ENTPD1: variants seen among roughly 807,000 people sequenced by gnomAD.
ENTPD1 encodes ectonucleoside triphosphate diphosphohydrolase 1.
Under a neutral mutation model 57.0 loss-of-function variants are expected in ENTPD1, and 33 were observed. That is an observed-to-expected ratio of 0.58 (90% CI 0.44 to 0.77). The LOEUF (loss-of-function observed/expected upper bound fraction) is 0.77. Ranked by LOEUF, ENTPD1 falls within the 30% of genes least tolerant of loss-of-function variation. The probability of loss-of-function intolerance (pLI) is 0.00; values close to 1 mark genes in which losing one functional copy is unlikely to be tolerated. For synonymous variants in ENTPD1, 202 were observed against 218.8 expected (o/e 0.92, Z 0.68); for missense variants, 501 against 603.4 (o/e 0.83, Z 1.78).
chr10:95,873,014 T>G lies in ENTPD1; in HGVS notation c.*6631T>G. The G allele has an allele frequency of 6.1e-6, 6 of 980,616 alleles. No homozygotes were observed. The highest frequency in any genetic ancestry group is 7.3e-6 in the Non-Finnish European group (6 of 825,630). 60.7% of individuals were successfully genotyped at this position (980,616 alleles called of 1,614,324 possible). A position where few individuals can be genotyped will look rare whatever the true frequency, so the allele number is the denominator to read the frequency against. On this transcript the variant is annotated 3_prime_UTR_variant, in exon 10 of 10. Coordinates refer to ENST00000371205, the MANE Select transcript of ENTPD1 (RefSeq NM_001776.6). ...AAAGATCATGCATCTCAAAATTTAA[T>G]GTACATACAAATTACCCAGGGATTT...
intron 1 of ENTPD1, among the ~76,000 whole-genome samples, chr10:95,749,321 C>T (rs549736863): frequency 1.3e-5 from 2 of 152,316 alleles, no homozygotes; most frequent in South Asian, 4.1e-4. Flanking sequence ...GTCATTATGA[C>T]TATGTGGATC....
intron 2 of ENTPD1, among the ~76,000 whole-genome samples, chr10:95,834,011 A>G (rs760634742): frequency 6.6e-6 from 1 of 152,234 alleles, no homozygotes; most frequent in Non-Finnish European, 1.5e-5. Flanking sequence ...TTGGAGGGGA[A>G]AACAGTCAAA....
At chr10:95,854,792 G>A (rs1037006256) in intron 7 of ENTPD1, among the ~76,000 whole-genome samples, 1 of 152,196 alleles carries the variant, frequency 6.6e-6, no homozygotes, top group African/African-American at 2.4e-5. Context: ...ACTGTGGTCT[G>A]AGAGACAGTT....
intron 1 of ENTPD1, among the ~76,000 whole-genome samples, chr10:95,812,489 T>C (rs2098312302): frequency 6.6e-6 from 1 of 152,228 alleles, no homozygotes; most frequent in Admixed American, 6.5e-5. Flanking sequence ...CATTTGCCAG[T>C]TGCTAGCATT....
At chr10:95,800,620 A>G (rs2098245173) in intron 1 of ENTPD1, among the ~76,000 whole-genome samples, 1 of 152,048 alleles carries the variant, frequency 6.6e-6, no homozygotes, top group Non-Finnish European at 1.5e-5. Context: ...CTGTCTATAG[A>G]CCTATCCCCA....
chr10:95,784,982 A>C (rs2140216975), intron 1 of ENTPD1: 1 of 152,402 alleles, frequency 6.6e-6, no homozygotes, highest in Non-Finnish European at 1.5e-5. Context: ...TGGATAAATT[A>C]GGAAACAGGC....
intron 2 of ENTPD1, among the ~76,000 whole-genome samples, chr10:95,834,815 C>G (rs1215076488): frequency 1.3e-5 from 2 of 151,972 alleles, no homozygotes; most frequent in African/African-American, 4.8e-5. Context: ...TACTGTTCCT[C>G]TTTCTGGACC....
At chr10:95,701,267 C>T in the ENTPD1 span, among the ~76,000 whole-genome samples, 1 of 151,992 alleles carries the variant, frequency 6.6e-6, no homozygotes, top group Non-Finnish European at 1.5e-5. Flanking sequence ...TCAAGACCAG[C>T]CGGGCAACAT....
At chr10:95,733,477 T>C (rs967831850) in intron 1 of ENTPD1, among the ~76,000 whole-genome samples, 4 of 152,202 alleles carry the variant, frequency 2.6e-5, no homozygotes, top group African/African-American at 9.6e-5. Context: ...AAGACAGGTA[T>C]AGGAAATCAC....
At chr10:95,784,102 CTTTT>C (rs200561277) in intron 1 of ENTPD1, among the ~76,000 whole-genome samples, 3 of 134,600 alleles carry the variant, frequency 2.2e-5, no homozygotes, top group Admixed American at 7.5e-5. Flanking sequence ...TTTGCTTGTT[CTTTT>C]TTTTTTTTTT....
intron 1 of ENTPD1, among the ~76,000 whole-genome samples, chr10:95,799,151 T>A (rs1362103491): frequency 1.3e-5 from 2 of 152,238 alleles, no homozygotes; most frequent in Non-Finnish European, 2.9e-5. Flanking sequence ...GCTCATTTTT[T>A]AAACTTTTAA....
chr10:95,742,270 A>G (rs2098001145), intron 1 of ENTPD1, among the ~76,000 whole-genome samples: 1 of 152,168 alleles, frequency 6.6e-6, no homozygotes, highest in African/African-American at 2.4e-5. Flanking sequence ...TTTGCTTAAC[A>G]CTAGCTTTTC....
intron 7 of ENTPD1, among the ~76,000 whole-genome samples, chr10:95,856,883 A>G (rs2098456026): frequency 6.6e-6 from 1 of 151,520 alleles, no homozygotes; most frequent in Non-Finnish European, 1.5e-5. Flanking sequence ...TTTCTATTAC[A>G]TATCTATTTG....
chr10:95,862,003 A>T (rs1045357890), intron 8 of ENTPD1, among the ~76,000 whole-genome samples: 7 of 138,932 alleles, frequency 5.0e-5, no homozygotes, highest in Admixed American at 1.4e-4. Context: ...CTCAAAAATT[A>T]AAAAAAAAAA....
intron 1 of ENTPD1, among the ~76,000 whole-genome samples, chr10:95,774,545 A>C (rs1218012559): frequency 2.0e-5 from 3 of 152,350 alleles, no homozygotes; most frequent in Non-Finnish European, 4.4e-5. Flanking sequence ...AGCTTTCTAC[A>C]TATGCCTAGC....
intron 1 of ENTPD1, among the ~76,000 whole-genome samples, chr10:95,761,984 G>A (rs1350262468): frequency 1.3e-5 from 2 of 152,156 alleles, no homozygotes; most frequent in African/African-American, 2.4e-5. Flanking sequence ...AGAGAGAACC[G>A]ATGGAATTTC....
chr10:95,830,998 T>C (rs952743674), intron 2 of ENTPD1, among the ~76,000 whole-genome samples: 1 of 152,142 alleles, frequency 6.6e-6, no homozygotes, highest in South Asian at 2.1e-4. Context: ...CCTGCCATGG[T>C]CTAGGCAAGG....
chr10:95,865,006 A>C lies in ENTPD1; in HGVS notation c.1326+145A>C, dbSNP rs2098471672. On this transcript the variant is annotated intron_variant, in intron 9 of 9. Transcript: ENST00000371205. ...CTGCCATTCTGCTTCAAACCCTGGCATTCTGTGTCAAGCCCTCCTGGGTCT... is the reference window on the plus strand; with the variant it reads ...CTGCCATTCTGCTTCAAACCCTGGCCTTCTGTGTCAAGCCCTCCTGGGTCT... 3.0e-6 allele frequency: 3 copies of C among 1,013,942 alleles called. No individual in the cohort carries two copies. In the Admixed American group the frequency reaches 7.1e-5, roughly 24 times the overall value. The allele number at this position is 1,013,942 out of a possible 1,614,324, so 62.8% of individuals were successfully genotyped here.
Position 95,866,324 on chromosome 10 carries a change from G to C in ENTPD1, c.1474G>C (p.Ala492Pro), listed in dbSNP as rs1407830658. Residue 492 changes from alanine to proline, a missense_variant, in exon 10 of 10, where the codon GCC (alanine) becomes CCC (proline). Coordinates refer to ENST00000371205, the MANE Select transcript of ENTPD1 (RefSeq NM_001776.6). ...ATTCTCCCTGGTCCTTTTCACAGTG[G>C]CCATCATAGGCTTGCTTATCTTTCA... is the stretch of plus-strand genomic sequence containing the variant. Reference protein sequence around the residue: ...VLFSLVLFTVAIIGLLIFHKP... With the variant: ...VLFSLVLFTVPIIGLLIFHKP... 1.9e-6 allele frequency: 3 copies of C among 1,614,136 alleles called. No individual in the cohort carries two copies. The highest frequency in any genetic ancestry group is 2.5e-6 in the Non-Finnish European group (3 of 1,180,032).
Sources: gnomAD v4.1 joint callset for allele counts (sites outside exome capture counted in the v4.1 genomes callset) on GRCh38, gnomAD v4.1.1 for gene constraint, MANE v1.5 for transcripts, NCBI Gene and HGNC (gene_info 2026-07-23, HGNC 2026-07-21) for gene names.